Variants in ABLIM2 observed in about 807,000 individuals in gnomAD.
ABLIM2 encodes actin binding LIM protein family member 2, also known as actin-binding LIM protein 2.
ABLIM2 carries 53 observed loss-of-function variants against 97.7 expected under a neutral mutation model. The observed-to-expected ratio is 0.54, with a 90% confidence interval of 0.44 to 0.68. The LOEUF (loss-of-function observed/expected upper bound fraction) is 0.68, where lower values mean the gene tolerates loss of function less well. Ranked by LOEUF, ABLIM2 falls within the 30% of genes least tolerant of loss-of-function variation. The pLI is 0.00. For missense variants in ABLIM2, 835 were observed against 867.2 expected (o/e 0.96, Z 0.47); for synonymous variants, 361 against 345.8 (o/e 1.04, Z -0.49).
chr4:8,017,705 CA>C (rs975101479), intron 14 of ABLIM2, among the ~76,000 whole-genome samples: 2 of 152,284 alleles, frequency 1.3e-5, no homozygotes, highest in Admixed American at 1.3e-4. Flanking sequence ...TAAAAATACA[CA>C]AAGATGGCCA....
intron 4 of ABLIM2, among the ~76,000 whole-genome samples, chr4:8,081,199 C>T (rs1178383542): frequency 2.0e-5 from 3 of 152,136 alleles, no homozygotes; most frequent in African/African-American, 7.2e-5. Flanking sequence ...AGCCAGCCCC[C>T]AGCCCCCAAC....
At chr4:8,151,830 G>T (rs984522992) in intron 1 of ABLIM2, among the ~76,000 whole-genome samples, 2 of 148,320 alleles carry the variant, frequency 1.3e-5, no homozygotes, top group Non-Finnish European at 3.0e-5. Context: ...GAACAGATGG[G>T]CCCTGGGGGG....
chr4:8,113,888 G>A lies in ABLIM2; in HGVS notation c.11-7251C>T, dbSNP rs188920408. ...CACCTTTCCTTCTGACCATGGCAAC[G>A]AGCAGAGCAATACAGAGAGGGGCAC... is the stretch of plus-strand genomic sequence containing the variant. On this transcript the variant is annotated intron_variant, in intron 1 of 20. Transcript: ENST00000447017. This position sits in a 1 kb window ranked among gnomAD's most constrained non-coding sequence, Gnocchi z 4.5. 2.8e-4 allele frequency among the ~76,000 whole-genome samples: 43 copies of A among 152,312 alleles called. No individual in the cohort carries two copies. The highest frequency in any genetic ancestry group is 1.0e-3 in the African/African-American group (42 of 41,574).
intron 1 of ABLIM2, among the ~76,000 whole-genome samples, chr4:8,131,085 A>G (rs1192934372): frequency 6.6e-6 from 1 of 152,138 alleles, no homozygotes; most frequent in Non-Finnish European, 1.5e-5. Context: ...CTGAGGGCCC[A>G]CTCAGATCAT....
intron 1 of ABLIM2, among the ~76,000 whole-genome samples, chr4:8,134,457 C>T (rs758511066): frequency 3.9e-5 from 6 of 152,204 alleles, no homozygotes; most frequent in Non-Finnish European, 5.9e-5. Flanking sequence ...ACACACAGCT[C>T]GGCCCAGCCC....
chr4:8,008,697 C>A (rs1330601024), intron 15 of ABLIM2, among the ~76,000 whole-genome samples: 1 of 152,182 alleles, frequency 6.6e-6, no homozygotes, highest in Admixed American at 6.5e-5. Context: ...GCCCACAAAG[C>A]CAAAAGTACT....
In ABLIM2 at chr4:7,983,302, C is replaced by T; in HGVS notation, c.1786G>A (p.Val596Met). The change falls in exon 20 of 21, where the codon GTG becomes ATG. Residue 596 changes from valine to methionine, a missense_variant. Transcript: ENST00000447017. The part of the protein sequence containing the change: ...DSLIVTNRIR[V>M]KLPKDVDRTR... ...CGGTCCACGTCTTTGGGCAGTTTCA[C>T]GCGAATTCGGTTTGTGACGATGAGG... 6.2e-6 allele frequency: 10 copies of T among 1,612,518 alleles called. No homozygotes were observed. The highest frequency in any genetic ancestry group is 2.2e-5 in the East Asian group (1 of 44,848).
At chr4:7,993,374 G>A (rs577144196) in intron 16 of ABLIM2, among the ~76,000 whole-genome samples, 1 of 152,342 alleles carries the variant, frequency 6.6e-6, no homozygotes, top group East Asian at 1.9e-4. Flanking sequence ...ATGGGGCCTG[G>A]AGGCAATCTT....
In ABLIM2 at chr4:8,120,895, G is replaced by A. The variant is rs947596083; in HGVS notation, c.11-14258C>T. ...CCTGTTTTATAATACAATGTTGACC[G>A]TCTCACGTAAGAGTACTGTACCGCA... On this transcript the variant is annotated intron_variant, in intron 1 of 20. Transcript: ENST00000447017. This position sits in a 1 kb window ranked among gnomAD's most constrained non-coding sequence, Gnocchi z 5.6. Among the ~76,000 whole-genome samples, 4 of 152,216 alleles carry A rather than the reference G, an allele frequency of 2.6e-5. No individual in the cohort carries two copies. Among genetic ancestry groups the A allele is most frequent in the South Asian group, 4.1e-4 (2 of 4,834 alleles).
chr4:8,114,598 A>T (rs1841997491), intron 1 of ABLIM2, among the ~76,000 whole-genome samples: 1 of 152,116 alleles, frequency 6.6e-6, no homozygotes, highest in Admixed American at 6.5e-5. Context: ...CTGGCTGCTG[A>T]TTATAACCAT....
chr4:8,060,160 G>C (rs918242758), intron 7 of ABLIM2, among the ~76,000 whole-genome samples: 7 of 152,136 alleles, frequency 4.6e-5, no homozygotes, highest in African/African-American at 1.7e-4. Context: ...CTCCTCCCCT[G>C]CCACTGGATA....
chr4:8,057,084 T>C (rs1181005343), intron 7 of ABLIM2, among the ~76,000 whole-genome samples: 1 of 150,008 alleles, frequency 6.7e-6, no homozygotes, highest in Non-Finnish European at 1.5e-5. Context: ...TCTTTCCTTT[T>C]CTTTTCTTTC....
In ABLIM2 at chr4:8,043,488, G is replaced by A. The variant is rs1401423462; in HGVS notation, c.900+1676C>T. On this transcript the variant is annotated intron_variant, in intron 9 of 20. Transcript: ENST00000447017. This position sits in a 1 kb window ranked among gnomAD's most constrained non-coding sequence, Gnocchi z 4.8. ...GGACCTCAGAATGTGACTGCATTTG[G>A]ATGCAGGGCCTTAAGAGAGGTCATC... 1.3e-5 allele frequency among the ~76,000 whole-genome samples: 2 copies of A among 152,152 alleles called. No individual in the cohort carries two copies. The highest frequency in any genetic ancestry group is 1.3e-4 in the Admixed American group (2 of 15,278).
intron 20 of ABLIM2, among the ~76,000 whole-genome samples, chr4:7,976,683 G>A (rs1733370653): frequency 6.7e-6 from 1 of 149,944 alleles, no homozygotes; most frequent in Non-Finnish European, 1.5e-5. Flanking sequence ...ACACACACAT[G>A]TGCATGCACA....
chr4:8,101,099 G>C (rs1460067449), intron 2 of ABLIM2, among the ~76,000 whole-genome samples: 1 of 152,230 alleles, frequency 6.6e-6, no homozygotes, highest in Non-Finnish European at 1.5e-5. Context: ...TTCTATATTG[G>C]TGAGTGGAAG....
intron 1 of ABLIM2, among the ~76,000 whole-genome samples, chr4:8,138,167 T>C (rs1308712901): frequency 6.6e-6 from 1 of 150,808 alleles, no homozygotes. Context: ...TGTGGGAGAA[T>C]GGGGAGTGAG....
chr4:7,990,701 G>T (rs1432056006), intron 17 of ABLIM2, among the ~76,000 whole-genome samples: 2 of 152,062 alleles, frequency 1.3e-5, no homozygotes, highest in African/African-American at 4.8e-5. Context: ...ACAGGGCAGG[G>T]GCACGCACTC....
intron 15 of ABLIM2, among the ~76,000 whole-genome samples, chr4:8,008,468 G>A (rs973117190): frequency 3.3e-5 from 5 of 152,218 alleles, no homozygotes; most frequent in Non-Finnish European, 7.3e-5. Context: ...GGGAGGCCAG[G>A]GGCCCACAGG....
At chr4:7,988,458 A>T (rs1449874633) in intron 17 of ABLIM2, among the ~76,000 whole-genome samples, 1 of 152,264 alleles carries the variant, frequency 6.6e-6, no homozygotes, top group Non-Finnish European at 1.5e-5. Context: ...AGATCATATG[A>T]CAAATACATG....
Sources: allele counts gnomAD v4.1 joint callset (sites outside exome capture counted in the v4.1 genomes callset), GRCh38; gene constraint gnomAD v4.1.1; non-coding constraint Gnocchi (gnomAD v3.1); transcripts MANE v1.5; gene names NCBI Gene and HGNC (gene_info 2026-07-23, HGNC 2026-07-21).